The following HDAC4 variants were observed in gnomAD, a reference collection of about 807,000 sequenced individuals.
The protein encoded by HDAC4 is histone deacetylase 4, also known as histone deacetylase A.
A neutral mutation model predicts 135.1 loss-of-function variants in HDAC4; 16 were observed. The observed-to-expected ratio is 0.12, with a 90% CI of 0.08 to 0.18. The LOEUF (loss-of-function observed/expected upper bound fraction) is 0.18. Ranked by LOEUF, HDAC4 falls within the 10% of genes least tolerant of loss-of-function variation. The pLI is 1.00. For synonymous variants in HDAC4, 685 were observed against 653.4 expected, an observed-to-expected ratio of 1.05 and a Z score of -0.74; for missense variants, 1,143 against 1,511.8, an observed-to-expected ratio of 0.76 and a Z score of 4.05.
At chr2:239,205,201 T>C (rs1279457868) in intron 3 of HDAC4, among the ~76,000 whole-genome samples, 2 of 152,180 alleles carry the variant, frequency 1.3e-5, no homozygotes, top group Admixed American at 6.5e-5. Context: ...AGAGGCAATA[T>C]TTGAAGATAG....
chr2:239,185,207 C>T lies in HDAC4; in HGVS notation c.339+4626G>A, dbSNP rs570365460. Among the ~76,000 whole-genome samples, 346 of 150,546 alleles carry T rather than the reference C, an allele frequency of 2.3e-3. 1 individual carries two copies. The highest frequency in any genetic ancestry group is 7.7e-3 in the African/African-American group (315 of 40,926). Reference sequence around the variant, plus strand: ...GGGAGAGGTGCACCCCATGGGGTGCCTGTATCCCCCATGGGGGTTGCCCTG... The same window carrying T: ...GGGAGAGGTGCACCCCATGGGGTGCTTGTATCCCCCATGGGGGTTGCCCTG... On this transcript the variant is annotated intron_variant, in intron 4 of 26. Transcript: ENST00000543185.
chr2:239,336,138 C>T (rs1012775233), intron 2 of HDAC4, among the ~76,000 whole-genome samples: 2 of 152,042 alleles, frequency 1.3e-5, no homozygotes, highest in African/African-American at 2.4e-5. Flanking sequence ...ATAAGTATTA[C>T]GTGATTTATA....
At chr2:239,216,213 T>A (rs904954625) in intron 3 of HDAC4, among the ~76,000 whole-genome samples, 2 of 151,660 alleles carry the variant, frequency 1.3e-5, no homozygotes, top group South Asian at 4.1e-4. Flanking sequence ...CACACACACA[T>A]AGATATTCAC....
At chr2:239,131,018 C>T (rs981828887) in intron 11 of HDAC4, among the ~76,000 whole-genome samples, 23 of 152,338 alleles carry the variant, frequency 1.5e-4, no homozygotes, top group South Asian at 6.2e-4. Flanking sequence ...GCTAGTTATG[C>T]GGAGACTAAT....
intron 17 of HDAC4, 39 bp from the exon 18 acceptor site, chr2:239,090,155 G>C: frequency 6.9e-7 from 1 of 1,448,374 alleles, no homozygotes; most frequent in Non-Finnish European, 9.7e-7. Flanking sequence ...CACCCTCCCA[G>C]GCCACCGTCA....
chr2:239,243,453 G>A (rs1351347442), intron 2 of HDAC4, among the ~76,000 whole-genome samples: 1 of 152,126 alleles, frequency 6.6e-6, no homozygotes, highest in Non-Finnish European at 1.5e-5. Context: ...CTCCCGGCTG[G>A]ATAAATTAAC....
At chr2:239,211,949 G>A (rs181935722) in intron 3 of HDAC4, among the ~76,000 whole-genome samples, 6 of 152,214 alleles carry the variant, frequency 3.9e-5, no homozygotes, top group East Asian at 3.9e-4. Flanking sequence ...AGACTTCAGC[G>A]TGAAGGTACA....
intron 23 of HDAC4, among the ~76,000 whole-genome samples, chr2:239,067,944 C>T (rs778896125): frequency 6.6e-6 from 1 of 152,160 alleles, no homozygotes; most frequent in Non-Finnish European, 1.5e-5. Context: ...CCTTTGTGTG[C>T]GCCAGGTTTT....
At chr2:239,094,028 A>G (rs1399924869) in intron 17 of HDAC4, 1 of 985,316 alleles carries the variant, frequency 1.0e-6, no homozygotes, top group Non-Finnish European at 1.2e-6. Flanking sequence ...ATTTTGTTTC[A>G]TTTCCATAAC....
chr2:239,346,359 A>G (rs1221498267), intron 2 of HDAC4, among the ~76,000 whole-genome samples: 1 of 151,056 alleles, frequency 6.6e-6, no homozygotes, highest in African/African-American at 2.4e-5. Flanking sequence ...ACACATACAC[A>G]CATCTTAACA....
chr2:239,171,669 G>A (rs1575282483), intron 5 of HDAC4, among the ~76,000 whole-genome samples: 1 of 152,070 alleles, frequency 6.6e-6, no homozygotes, highest in East Asian at 1.9e-4. Flanking sequence ...ATCCCAAAAA[G>A]AAGACATTAA....
At chr2:239,194,782 G>C (rs535959495) in intron 3 of HDAC4, among the ~76,000 whole-genome samples, 1 of 152,336 alleles carries the variant, frequency 6.6e-6, no homozygotes, top group African/African-American at 2.4e-5. Context: ...CCCTAGAGCT[G>C]CCAAGGCCAG....
intron 11 of HDAC4, among the ~76,000 whole-genome samples, chr2:239,133,444 G>A (rs1158339303): frequency 6.6e-5 from 10 of 152,206 alleles, no homozygotes; most frequent in African/African-American, 1.7e-4. Flanking sequence ...TGACCCGCAC[G>A]GCAAGGGGGT....
At chr2:239,246,355 C>T (rs1011836823) in intron 2 of HDAC4, among the ~76,000 whole-genome samples, 1 of 152,190 alleles carries the variant, frequency 6.6e-6, no homozygotes, top group Non-Finnish European at 1.5e-5. Flanking sequence ...ACCCAGGAGG[C>T]GTGGCAGCCG....
At chr2:239,213,399 C>T (rs775585531) in intron 3 of HDAC4, among the ~76,000 whole-genome samples, 4 of 152,198 alleles carry the variant, frequency 2.6e-5, no homozygotes, top group Non-Finnish European at 4.4e-5. Context: ...ATTCCCTGCT[C>T]GCTGAAGACT....
chr2:239,075,223 C>CAAAAAA (rs67188784), intron 22 of HDAC4, among the ~76,000 whole-genome samples: 10 of 31,782 alleles, frequency 3.1e-4, no homozygotes, highest in Admixed American at 8.7e-4. Flanking sequence ...GACTCCGTCT[C>CAAAAAA]AAAAAAAAAA....
At chr2:239,229,876 T>C (rs1279842167) in intron 3 of HDAC4, among the ~76,000 whole-genome samples, 1 of 152,196 alleles carries the variant, frequency 6.6e-6, no homozygotes, top group Non-Finnish European at 1.5e-5. Flanking sequence ...AAATCTCTCC[T>C]GGATCAGGAA....
chr2:239,370,989 G>A (rs1305524669), intron 1 of HDAC4, among the ~76,000 whole-genome samples: 2 of 152,194 alleles, frequency 1.3e-5, no homozygotes, highest in African/African-American at 4.8e-5. Context: ...CTGATGTGCA[G>A]CTGCTGTCCA....
At chr2:239,257,416 G>T (rs1011584041) in intron 2 of HDAC4, among the ~76,000 whole-genome samples, 1 of 152,138 alleles carries the variant, frequency 6.6e-6, no homozygotes, top group Non-Finnish European at 1.5e-5. Flanking sequence ...GGCATTTGGG[G>T]CTGATTTTCC....
Sources: gnomAD v4.1 joint callset for allele counts (sites outside exome capture counted in the v4.1 genomes callset) on GRCh38, gnomAD v4.1.1 for gene constraint, MANE v1.5 for transcripts, NCBI Gene and HGNC (gene_info 2026-07-23, HGNC 2026-07-21) for gene names.